STK10: variants seen among roughly 807,000 people sequenced by gnomAD.
STK10 encodes serine/threonine kinase 10.
A neutral mutation model predicts 113.8 loss-of-function variants in STK10; 78 were observed. The ratio of observed to expected loss-of-function variants is 0.69; its 90% confidence interval spans 0.57 to 0.83. The LOEUF (loss-of-function observed/expected upper bound fraction) is 0.83, where lower values mean the gene tolerates loss of function less well. Ranked by LOEUF, STK10 falls within the 40% of genes least tolerant of loss-of-function variation. The probability of loss-of-function intolerance (pLI) is 0.00; values close to 1 mark genes in which losing one functional copy is unlikely to be tolerated. For missense variants in STK10, 1,109 were observed against 1,280.1 expected (o/e 0.87, Z 2.04); for synonymous variants, 465 against 494.7 (o/e 0.94, Z 0.80).
chr5:172,090,621 A>T (rs1386840788), intron 9 of STK10, among the ~76,000 whole-genome samples: 1 of 152,098 alleles, frequency 6.6e-6, no homozygotes, highest in African/African-American at 2.4e-5. Flanking sequence ...CCTCTCATGC[A>T]TCCAGGACAT....
At chr5:172,141,793 GC>G (rs1769977888) in intron 2 of STK10, among the ~76,000 whole-genome samples, 1 of 152,134 alleles carries the variant, frequency 6.6e-6, no homozygotes, top group Non-Finnish European at 1.5e-5. Context: ...TGTCACAGCA[GC>G]CTGTAATCGC....
At chr5:172,081,201 A>G (rs1768419466) in intron 12 of STK10, among the ~76,000 whole-genome samples, 1 of 151,970 alleles carries the variant, frequency 6.6e-6, no homozygotes, top group Admixed American at 6.6e-5. Flanking sequence ...AAATACAAAA[A>G]TTAGCCAAGC....
chr5:172,083,359 T>C (rs755167394), intron 10 of STK10, among the ~76,000 whole-genome samples: 2 of 152,044 alleles, frequency 1.3e-5, no homozygotes, highest in Non-Finnish European at 2.9e-5. Flanking sequence ...AAGCAAAAGA[T>C]AAAAAGAAAT....
rs114869109 is a variant in STK10 at position 172,044,940 on chromosome 5, G to A, written c.2849C>T (p.Pro950Leu). Residue 950 changes from proline to leucine, a missense_variant, in exon 19 of 19, where the codon CCC (proline) becomes CTC (leucine). Pro to Leu is a moderately conservative substitution (Grantham distance 98). Around this residue, in one of 5 missense-constraint regions of STK10, gnomAD observed 885 missense variants for 991.1 expected, o/e 0.89. Coordinates refer to ENST00000176763, the MANE Select transcript of STK10 (RefSeq NM_005990.4). This position sits in a 1 kb window ranked among gnomAD's most constrained non-coding sequence, Gnocchi z 4.5. ...KLSEEAECPN[P>L]STPSKAAKFF... ...CTTGGCGGCCTTGCTTGGGGTGGAG[G>A]GGTTTGGGCACTCCGCCTCCTCGCT... 34 of 1,614,194 alleles carry A rather than the reference G, an allele frequency of 2.1e-5. No individual in the cohort carries two copies. Among genetic ancestry groups the A allele is most frequent in the Non-Finnish European group, 2.8e-5 (33 of 1,180,028 alleles).
chr5:172,109,116 G>T (rs1184985558), intron 4 of STK10, among the ~76,000 whole-genome samples: 2 of 152,066 alleles, frequency 1.3e-5, no homozygotes, highest in Admixed American at 6.6e-5. Context: ...ACTGTAAAAG[G>T]TTAAGTGGGG....
chr5:172,048,012 C>T (rs766882718), intron 18 of STK10, among the ~76,000 whole-genome samples: 2 of 149,224 alleles, frequency 1.3e-5, no homozygotes, highest in African/African-American at 2.5e-5. Context: ...AAGCCATTCT[C>T]CTGCCTCAGC....
In STK10 at chr5:172,044,984, C is replaced by G. The variant is rs769087018; in HGVS notation, c.2805G>C (p.Gln935His). 3 of 1,614,246 alleles carry G rather than the reference C, an allele frequency of 1.9e-6. No individual in the cohort carries two copies. Among genetic ancestry groups the G allele is most frequent in the Non-Finnish European group, 2.5e-6 (3 of 1,180,048 alleles). The change falls in exon 19 of 19, where the codon CAG becomes CAC. Residue 935 changes from glutamine to histidine, a missense_variant. Gln to His is a conservative substitution (Grantham distance 24). This residue lies in a region of STK10 where 885 missense variants were observed against 991.1 expected (regional missense o/e 0.89). Coordinates refer to ENST00000176763, the MANE Select transcript of STK10 (RefSeq NM_005990.4). This position sits in a 1 kb window ranked among gnomAD's most constrained non-coding sequence, Gnocchi z 4.5. ...EEDLNQKKRE[Q>H]EMFFKLSEEA... ...CCTCGCTCAGCTTGAAGAACATCTCCTGCTCCCGCTTCTTCTGGTTCAGAT... is the reference window on the plus strand; with the variant it reads ...CCTCGCTCAGCTTGAAGAACATCTCGTGCTCCCGCTTCTTCTGGTTCAGAT...
At chr5:172,059,178 T>G (rs112952882) in intron 14 of STK10, among the ~76,000 whole-genome samples, 1,792 of 152,150 alleles carry the variant, frequency 0.012, 35 homozygotes, top group African/African-American at 0.041. Context: ...CCCAGCACTT[T>G]GGGAGGCCAA....
At chr5:172,124,051 C>T (rs867292641) in intron 3 of STK10, among the ~76,000 whole-genome samples, 1 of 152,172 alleles carries the variant, frequency 6.6e-6, no homozygotes, top group Middle Eastern at 3.2e-3. Flanking sequence ...CTCAGCCTCC[C>T]AAGTAGCTGG....
intron 2 of STK10, among the ~76,000 whole-genome samples, chr5:172,149,676 G>A (rs1338859683): frequency 6.6e-6 from 1 of 152,144 alleles, no homozygotes; most frequent in Non-Finnish European, 1.5e-5. Context: ...GGCTGCCCCA[G>A]GCCAGGTGAC....
intron 18 of STK10, among the ~76,000 whole-genome samples, chr5:172,051,119 T>C (rs1767617271): frequency 6.6e-6 from 1 of 152,074 alleles, no homozygotes; most frequent in Admixed American, 6.5e-5. Context: ...TTTCTCGCAC[T>C]TGGATGTAAC....
chr5:172,081,963 A>C (rs1336701770), intron 12 of STK10, among the ~76,000 whole-genome samples: 1 of 151,828 alleles, frequency 6.6e-6, no homozygotes, highest in Non-Finnish European at 1.5e-5. Context: ...GTGCCTACCC[A>C]CCCAGCACCC....
At chr5:172,155,613 A>G (rs1290767389) in intron 2 of STK10, among the ~76,000 whole-genome samples, 1 of 152,106 alleles carries the variant, frequency 6.6e-6, no homozygotes, top group African/African-American at 2.4e-5. Flanking sequence ...TAAAAAAAAG[A>G]AAGAAAGAAA....
At chr5:172,174,458 G>A (rs1471496730) in intron 1 of STK10, among the ~76,000 whole-genome samples, 1 of 151,930 alleles carries the variant, frequency 6.6e-6, no homozygotes, top group East Asian at 1.9e-4. Flanking sequence ...AGGTATGAGC[G>A]AGCCACTGCA....
At chr5:172,122,870 G>T (rs976368354) in intron 3 of STK10, among the ~76,000 whole-genome samples, 1 of 152,058 alleles carries the variant, frequency 6.6e-6, no homozygotes, top group Admixed American at 6.6e-5. Context: ...TGATCCACCC[G>T]CCTCGGCCTC....
intron 10 of STK10, among the ~76,000 whole-genome samples, chr5:172,087,729 C>G (rs1176171742): frequency 8.3e-6 from 1 of 120,134 alleles, no homozygotes; most frequent in East Asian, 2.0e-4. Flanking sequence ...CCCGGGTTCA[C>G]GCCATTCTCC....
chr5:172,074,744 T>C (rs1561796415), intron 12 of STK10, among the ~76,000 whole-genome samples: 1 of 152,104 alleles, frequency 6.6e-6, no homozygotes, highest in Non-Finnish European at 1.5e-5. Flanking sequence ...AGCAGCCGGG[T>C]GCGTTGGCTC....
Position 172,044,442 on chromosome 5 carries a change from C to G in STK10, c.*440G>C, listed in dbSNP as rs1767454312. 1 of 183,076 alleles carries G rather than the reference C, an allele frequency of 5.5e-6. No individual in the cohort carries two copies. Among genetic ancestry groups the G allele is most frequent in the Non-Finnish European group, 1.2e-5 (1 of 85,676 alleles). 11.3% of individuals were successfully genotyped at this position (183,076 alleles called of 1,614,324 possible). On this transcript the variant is annotated 3_prime_UTR_variant, in exon 19 of 19. Transcript: ENST00000176763. The surrounding 1 kb of genome is among the most constrained non-coding windows in gnomAD (Gnocchi z 4.5). ...GGGACTTGATGATTGAGTGACTCTG[C>G]AGGGAATGGCTGAAAAACCAAGAAT...
At chr5:172,126,283 C>A (rs866857911) in intron 3 of STK10, among the ~76,000 whole-genome samples, 1 of 152,112 alleles carries the variant, frequency 6.6e-6, no homozygotes, top group Admixed American at 6.5e-5. Context: ...TCAGCCCAAT[C>A]AAAAATAAAA....
Sources: allele counts gnomAD v4.1 joint callset (sites outside exome capture counted in the v4.1 genomes callset), GRCh38; gene constraint gnomAD v4.1.1; regional missense constraint gnomAD v4.1.1; non-coding constraint Gnocchi (gnomAD v3.1); transcripts MANE v1.5; gene names NCBI Gene and HGNC (gene_info 2026-07-23, HGNC 2026-07-21).